The following CDH4 variants were observed in gnomAD, a reference collection of about 807,000 sequenced individuals.
The protein encoded by CDH4 is cadherin 4.
In CDH4, 33 loss-of-function variants were observed where a neutral mutation model predicts 86.0. That is an observed-to-expected ratio of 0.38 (90% confidence interval 0.29 to 0.51). The LOEUF is 0.51. Ranked by LOEUF, CDH4 falls within the 20% of genes least tolerant of loss-of-function variation. CDH4 has a pLI of 0.86. For synonymous variants in CDH4, 555 were observed against 549.4 expected (o/e 1.01, Z -0.14); for missense variants, 1,114 against 1,307.4 (o/e 0.85, Z 2.28).
intron 3 of CDH4, among the ~76,000 whole-genome samples, chr20:61,771,003 T>A (rs1414237646): frequency 1.4e-5 from 2 of 138,054 alleles, no homozygotes; most frequent in African/African-American, 5.3e-5. Context: ...TTCTTTTTTC[T>A]TTTTTTCTTT....
At chr20:61,926,988 G>GC (rs11403849) in intron 11 of CDH4, among the ~76,000 whole-genome samples, 69,643 of 152,166 alleles carry the variant, frequency 0.46, 18,168 homozygotes, top group East Asian at 0.85. Flanking sequence ...TGGAGCAGGA[G>GC]CCCCCCGGTT....
At chr20:61,425,810 G>C (rs2085211275) in intron 2 of CDH4, among the ~76,000 whole-genome samples, 1 of 147,106 alleles carries the variant, frequency 6.8e-6, no homozygotes, top group African/African-American at 2.5e-5. Flanking sequence ...CATTCTCAAA[G>C]GCCCCGCCCA....
At chr20:61,528,466 A>AAGGG (rs2085928577) in intron 2 of CDH4, among the ~76,000 whole-genome samples, 1 of 8,170 alleles carries the variant, frequency 1.2e-4, no homozygotes, top group African/African-American at 4.7e-4. Flanking sequence ...GGGGAGAGGG[A>AAGGG]GGGGGAGGGG....
chr20:61,360,069 A>G (rs2084775432), intron 2 of CDH4, among the ~76,000 whole-genome samples: 1 of 151,742 alleles, frequency 6.6e-6, no homozygotes, highest in African/African-American at 2.4e-5. Flanking sequence ...TTTAACCAGA[A>G]TCACTAAAAT....
intron 2 of CDH4, among the ~76,000 whole-genome samples, chr20:61,342,006 T>C (rs1391631778): frequency 6.6e-6 from 1 of 152,166 alleles, no homozygotes; most frequent in African/African-American, 2.4e-5. Context: ...TTAGAAATGC[T>C]TAGGCCATAG....
chr20:61,358,429 G>T (rs1325246149), intron 2 of CDH4, among the ~76,000 whole-genome samples: 1 of 152,208 alleles, frequency 6.6e-6, no homozygotes, highest in African/African-American at 2.4e-5. Flanking sequence ...TATCCCCAAT[G>T]CCTAGTAGAG....
rs916675361 is a variant in CDH4 at position 61,709,203 on chromosome 20, C to T, written c.170-34360C>T. On this transcript the variant is annotated intron_variant, in intron 2 of 15. Transcript: ENST00000614565. This position sits in a 1 kb window ranked among gnomAD's most constrained non-coding sequence, Gnocchi z 4.8. ...GCAAGCAAATGCAGGAAACTGGGGC[C>T]AGGCTGGGCCACTGTCAGGGGTTTT... Among the ~76,000 whole-genome samples, 3 of 152,268 alleles carry T rather than the reference C, an allele frequency of 2.0e-5. No individual in the cohort carries two copies. The highest frequency in any genetic ancestry group is 4.4e-5 in the Non-Finnish European group (3 of 68,050).
At chr20:61,344,505 A>C (rs1029479918) in intron 2 of CDH4, among the ~76,000 whole-genome samples, 10 of 152,154 alleles carry the variant, frequency 6.6e-5, no homozygotes, top group African/African-American at 2.4e-4. Flanking sequence ...AACTTATTGA[A>C]GTTGTGTCTG....
chr20:61,367,655 G>A (rs1348667816), intron 2 of CDH4, among the ~76,000 whole-genome samples: 1 of 152,110 alleles, frequency 6.6e-6, no homozygotes, highest in East Asian at 1.9e-4. Context: ...GTAAATAGAG[G>A]AGAAAGGAGG....
At chr20:61,710,448 C>T (rs888938205) in intron 2 of CDH4, among the ~76,000 whole-genome samples, 3 of 152,250 alleles carry the variant, frequency 2.0e-5, no homozygotes, top group Non-Finnish European at 4.4e-5. Flanking sequence ...CCTGAGTCCT[C>T]GCTCCTGCGG....
intron 5 of CDH4, among the ~76,000 whole-genome samples, chr20:61,850,458 C>T (rs1009048360): frequency 1.3e-5 from 2 of 152,176 alleles, no homozygotes; most frequent in East Asian, 1.9e-4. Flanking sequence ...GGAACCCACA[C>T]CCACAATTAA....
chr20:61,268,077 C>A (rs1353115896), intron 2 of CDH4, among the ~76,000 whole-genome samples: 2 of 152,242 alleles, frequency 1.3e-5, no homozygotes, highest in African/African-American at 2.4e-5. Context: ...CCCTAAGGGT[C>A]TTCTTCCGAC....
intron 4 of CDH4, among the ~76,000 whole-genome samples, chr20:61,808,726 C>T (rs1046034811): frequency 7.2e-5 from 11 of 152,248 alleles, no homozygotes; most frequent in African/African-American, 2.2e-4. Context: ...GTCCAACCCG[C>T]GTTCCTGCAT....
intron 3 of CDH4, among the ~76,000 whole-genome samples, chr20:61,769,826 A>G (rs1746767546): frequency 1.3e-5 from 2 of 152,248 alleles, no homozygotes; most frequent in South Asian, 4.1e-4. Context: ...CACTTTGAGC[A>G]GTGGGATTAA....
intron 2 of CDH4, among the ~76,000 whole-genome samples, chr20:61,519,077 C>T (rs932166936): frequency 6.6e-6 from 1 of 152,200 alleles, no homozygotes; most frequent in African/African-American, 2.4e-5. Context: ...CTGAGTATGA[C>T]CATCACCCCT....
chr20:61,602,051 T>G (rs531181792), intron 2 of CDH4, among the ~76,000 whole-genome samples: 2 of 152,290 alleles, frequency 1.3e-5, no homozygotes, highest in South Asian at 4.1e-4. Flanking sequence ...CTCCCAAGAA[T>G]GCACCTTCTC....
intron 2 of CDH4, among the ~76,000 whole-genome samples, chr20:61,495,902 C>CAAAAA (rs72458954): frequency 5.1e-5 from 3 of 58,402 alleles, no homozygotes; most frequent in African/African-American, 7.0e-5. Context: ...GACTCCATCT[C>CAAAAA]AAAAAAAAAA....
At chr20:61,382,451 A>T (rs2084908442) in intron 2 of CDH4, among the ~76,000 whole-genome samples, 1 of 152,256 alleles carries the variant, frequency 6.6e-6, no homozygotes, top group Non-Finnish European at 1.5e-5. Flanking sequence ...TGGACCTCCC[A>T]TGAGCAGGTG....
intron 6 of CDH4, among the ~76,000 whole-genome samples, chr20:61,857,373 C>T (rs887111386): frequency 1.3e-5 from 2 of 152,254 alleles, no homozygotes; most frequent in Admixed American, 6.5e-5. Flanking sequence ...CCCGCAGACC[C>T]GTACCACAGA....
Sources: allele counts gnomAD v4.1 joint callset (sites outside exome capture counted in the v4.1 genomes callset), GRCh38; gene constraint gnomAD v4.1.1; non-coding constraint Gnocchi (gnomAD v3.1); transcripts MANE v1.5; gene names NCBI Gene and HGNC (gene_info 2026-07-23, HGNC 2026-07-21).